Variants in UNC13A observed in about 807,000 individuals in gnomAD.
The protein encoded by UNC13A is protein unc-13 homolog A.
UNC13A carries 61 observed loss-of-function variants against 219.7 expected under a neutral mutation model. The observed-to-expected ratio is 0.28, with a 90% CI of 0.23 to 0.34. The LOEUF is 0.34. Among genes scored for constraint, UNC13A ranks in the 10% least tolerant of loss-of-function variants. The probability of loss-of-function intolerance (pLI) is 1.00; values close to 1 mark genes in which losing one functional copy is unlikely to be tolerated. For synonymous variants in UNC13A, 920 were observed against 884.6 expected, an observed-to-expected ratio of 1.04 and a Z score of -0.71; for missense variants, 1,476 against 2,270.3, an observed-to-expected ratio of 0.65 and a Z score of 7.11.
chr19:17,688,079 G>A, intron 1 of UNC13A, 99 bp downstream of exon 1: 2 of 1,428,904 alleles, frequency 1.4e-6, no homozygotes, highest in South Asian at 2.7e-5. Context: ...ACCTGGACTC[G>A]GGTCACCCCC....
chr19:17,637,442 T>C (rs148453188), intron 25 of UNC13A, among the ~76,000 whole-genome samples: 2,739 of 151,878 alleles, frequency 0.018, 100 homozygotes, highest in African/African-American at 0.063. Flanking sequence ...GGACTACAGG[T>C]GCCCGCCACC....
Position 17,605,344 on chromosome 19 carries a change from T to C in UNC13A, c.*710A>G, listed in dbSNP as rs1236416822. ...AACTCTATGATATGAGGACTGGGTT[T>C]GTTGGGGGAGAGGGAGAGGCAAACT... On this transcript the variant is annotated 3_prime_UTR_variant, in exon 44 of 44. Coordinates refer to ENST00000519716, the MANE Select transcript of UNC13A (RefSeq NM_001080421.3). 2 of 152,604 alleles carry C rather than the reference T, an allele frequency of 1.3e-5. No homozygotes were observed. The highest frequency in any genetic ancestry group is 2.4e-5 in the African/African-American group (1 of 41,418). 9.5% of individuals were successfully genotyped at this position (152,604 alleles called of 1,614,324 possible). A position where few individuals can be genotyped will look rare whatever the true frequency, so the allele number is the denominator to read the frequency against.
At position 17,685,071 on chromosome 19, in the gene UNC13A, A is replaced by G. The variant is rs539317141; in HGVS notation, c.22+3107T>C. On this transcript the variant is annotated intron_variant, in intron 1 of 43. Transcript: ENST00000519716. ...AAGGGGCTGCTTTGAATGTCCAGGC[A>G]AGTGTTGTCATGTGCATACACACAT... 7.2e-5 allele frequency among the ~76,000 whole-genome samples: 11 copies of G among 152,286 alleles called. No homozygotes were observed. In the East Asian group the frequency reaches 1.9e-3, roughly 27 times the overall value.
intron 8 of UNC13A, among the ~76,000 whole-genome samples, chr19:17,660,746 G>A (rs1208932415): frequency 6.6e-6 from 1 of 151,800 alleles, no homozygotes; most frequent in African/African-American, 2.4e-5. Flanking sequence ...TGGCCAGGCT[G>A]GTCTCGAACT....
At position 17,632,673 on chromosome 19, in the gene UNC13A, C is replaced by A. The variant is rs1327819403; in HGVS notation, c.3428+109G>T. On this transcript the variant is annotated intron_variant, in intron 28 of 43. Transcript: ENST00000519716. ...ACACTGGATTCAAGCCCCACCCATG[C>A]CCCTGATGCCCAGGTAACCCTAAGT... 3.3e-6 allele frequency: 5 copies of A among 1,522,006 alleles called. No individual in the cohort carries two copies. The East Asian group carries it at 1.1e-4, about 34-fold the overall frequency. 94.3% of individuals were successfully genotyped at this position (1,522,006 alleles called of 1,614,324 possible).
At position 17,617,685 on chromosome 19, in the gene UNC13A, G is replaced by T. The variant is rs750802591; in HGVS notation, c.4558+17C>A. ...TCCGCGGAGCGGGAAAGGGTGATGC[G>T]GTCTGGGTACCCTTACCCTGGGCCG... On this transcript the variant is annotated intron_variant, in intron 41 of 43. Coordinates refer to ENST00000519716, the MANE Select transcript of UNC13A (RefSeq NM_001080421.3). The T allele has an allele frequency of 1.9e-6, 3 of 1,610,568 alleles. No individual in the cohort carries two copies. The highest frequency in any genetic ancestry group is 2.7e-5 in the African/African-American group (2 of 74,964).
rs757409575 is a variant in UNC13A at position 17,674,926 on chromosome 19, G to A, written c.53-170C>T. On this transcript the variant is annotated intron_variant, in intron 2 of 43. Coordinates refer to ENST00000519716, the MANE Select transcript of UNC13A (RefSeq NM_001080421.3). This position sits in a 1 kb window ranked among gnomAD's most constrained non-coding sequence, Gnocchi z 5.0. The stretch of plus-strand genomic sequence containing the variant: ...GGGAGGGGCCTCAGTGTGGGGAGAC[G>A]TGGAATTTTGGGATACTTCATCCAG... Among the ~76,000 whole-genome samples, 23 of 152,160 alleles carry A rather than the reference G, an allele frequency of 1.5e-4. No homozygotes were observed. The highest frequency in any genetic ancestry group is 2.5e-4 in the Non-Finnish European group (17 of 68,032).
At chr19:17,657,509 G>C (rs993217803) in intron 9 of UNC13A, among the ~76,000 whole-genome samples, 6 of 152,124 alleles carry the variant, frequency 3.9e-5, no homozygotes, top group Admixed American at 6.6e-5. Context: ...ACAGGCAGGG[G>C]GACATAGGGG....
intron 19 of UNC13A, among the ~76,000 whole-genome samples, chr19:17,644,501 ATT>A (rs35342820): frequency 7.8e-6 from 1 of 128,058 alleles, no homozygotes; most frequent in Non-Finnish European, 1.6e-5. Context: ...CCTGGATTCC[ATT>A]TTTTTTTTCT....
chr19:17,624,597 A>T (rs1273996429), intron 35 of UNC13A, among the ~76,000 whole-genome samples: 2 of 151,854 alleles, frequency 1.3e-5, no homozygotes, highest in Admixed American at 6.6e-5. Flanking sequence ...ACTCTGAATG[A>T]CCTCTTTAAC....
chr19:17,651,851 G>C (rs566529265), intron 12 of UNC13A, among the ~76,000 whole-genome samples: 1 of 152,098 alleles, frequency 6.6e-6, no homozygotes, highest in Admixed American at 6.6e-5. Flanking sequence ...GGTCACTATC[G>C]TGCTGCTATT....
At chr19:17,666,512 C>G in intron 7 of UNC13A, 138 bp downstream of exon 7, 1 of 598,102 alleles carries the variant, frequency 1.7e-6, no homozygotes, top group Non-Finnish European at 2.6e-6. Context: ...ACGCTGATTT[C>G]TAATACACTG....
chr19:17,626,424 C>A, intron 34 of UNC13A: 1 of 527,294 alleles, frequency 1.9e-6, no homozygotes, highest in Non-Finnish European at 3.3e-6. Context: ...ACCATTCATT[C>A]ATCCACACAA....
chr19:17,629,288 G>A lies in UNC13A; in HGVS notation c.3705C>T (p.Ile1235=), dbSNP rs1261941223. ...ISNVLLQYAD[I]ISKDFASYCS... is the part of the protein sequence containing the mutation. ...AGTAGGAGGCAAAGTCCTTGGAGAT[G>A]ATGTCTGCATACTGGAGGAGCACAT... The change falls in exon 31 of 44, where the codon ATC becomes ATT. Residue 1235 remains isoleucine (I), a synonymous_variant. Transcript: ENST00000519716. 1 of 1,612,494 alleles carries A rather than the reference G, an allele frequency of 6.2e-7. No individual in the cohort carries two copies. The highest frequency in any genetic ancestry group is 1.1e-5 in the South Asian group (1 of 90,542).
At position 17,631,057 on chromosome 19, in the gene UNC13A, TTCCC is replaced by T. The variant is rs1307938819; in HGVS notation, c.3429-311_3429-308del. Among the ~76,000 whole-genome samples the T allele has an allele frequency of 1.0e-3, 150 of 144,590 alleles. 4 individuals carry two copies. Among genetic ancestry groups the T allele is most frequent in the African/African-American group, 1.8e-3 (67 of 37,962 alleles). 94.9% of individuals were successfully genotyped at this position (144,590 alleles called of 152,430 possible). On this transcript the variant is annotated intron_variant, in intron 28 of 43. Coordinates refer to ENST00000519716, the MANE Select transcript of UNC13A (RefSeq NM_001080421.3). The stretch of plus-strand genomic sequence containing the variant: ...TCCTCTCTGAGTCCTCCGTCCATCC[TTCCC>T]TCCCTCCCTCCCTCCTTCCTTCCTT...
chr19:17,688,097 CCCCTGGGAG>C, intron 1 of UNC13A, 72 bp downstream of exon 1: 1 of 1,479,108 alleles, frequency 6.8e-7, no homozygotes, highest in Non-Finnish European at 9.0e-7. Flanking sequence ...CCCCAGGAAC[CCCCTGGGAG>C]CCGCATCCAC....
chr19:17,619,370 A>AG (rs151214949), intron 38 of UNC13A, among the ~76,000 whole-genome samples: 46,334 of 151,534 alleles, frequency 0.31, 7,642 homozygotes, highest in Non-Finnish European at 0.36. Context: ...CTCCTCCTCA[A>AG]GGAGCATCCC....
chr19:17,687,312 C>A (rs1292070054), intron 1 of UNC13A, among the ~76,000 whole-genome samples: 2 of 152,150 alleles, frequency 1.3e-5, no homozygotes. Flanking sequence ...CCCCCCCCAC[C>A]TCACGTCTCC....
chr19:17,673,757 T>A (rs1288187585), intron 3 of UNC13A, among the ~76,000 whole-genome samples: 3 of 150,822 alleles, frequency 2.0e-5, no homozygotes, highest in Non-Finnish European at 1.5e-5. Flanking sequence ...ACATCTATAA[T>A]CCCAGCACCT....
Sources: allele counts gnomAD v4.1 joint callset (sites outside exome capture counted in the v4.1 genomes callset), GRCh38; gene constraint gnomAD v4.1.1; non-coding constraint Gnocchi (gnomAD v3.1); transcripts MANE v1.5; gene names NCBI Gene and HGNC (gene_info 2026-07-23, HGNC 2026-07-21).